The following DDX59 variants were observed in gnomAD, a reference collection of about 807,000 sequenced individuals.
DDX59 encodes DEAD-box helicase 59.
A neutral mutation model predicts 51.9 loss-of-function variants in DDX59; 30 were observed. The observed-to-expected ratio is 0.58, with a 90% CI of 0.43 to 0.78. The LOEUF is 0.78. Among genes scored for constraint, DDX59 ranks in the 30% least tolerant of loss-of-function variants. DDX59 has a pLI of 0.00. For synonymous variants in DDX59, 255 were observed against 253.3 expected (o/e 1.01, Z -0.06); for missense variants, 672 against 730.8 (o/e 0.92, Z 0.93).
rs143330875 is a variant in DDX59 at position 200,661,749 on chromosome 1, G to A, written c.972+2170C>T. On this transcript the variant is annotated intron_variant, in intron 3 of 7. Coordinates refer to ENST00000331314, the MANE Select transcript of DDX59 (RefSeq NM_001031725.6). ...TTATAAAAATGTGAATGGGGACTGA[G>A]GAGTAGATGATACCAATATTAATTC... Among the ~76,000 whole-genome samples, 1,070 of 152,346 alleles carry A rather than the reference G, an allele frequency of 7.0e-3. 7 individuals carry two copies. The highest frequency in any genetic ancestry group is 0.012 in the African/African-American group (501 of 41,582).
At chr1:200,667,159 C>T (rs918340257) in intron 1 of DDX59, among the ~76,000 whole-genome samples, 1 of 151,662 alleles carries the variant, frequency 6.6e-6, no homozygotes, top group African/African-American at 2.4e-5. Flanking sequence ...AATCCCAGCA[C>T]TTTGGGAGGC....
chr1:200,656,800 T>C (rs1005574440), intron 4 of DDX59, among the ~76,000 whole-genome samples: 1 of 152,186 alleles, frequency 6.6e-6, no homozygotes, highest in Non-Finnish European at 1.5e-5. Flanking sequence ...ACGCCTGTAA[T>C]CCCAACACTT....
downstream of DDX59, among the ~76,000 whole-genome samples, chr1:200,641,575 A>G (rs1313599430): frequency 2.6e-5 from 4 of 152,070 alleles, no homozygotes; most frequent in East Asian, 7.7e-4. Context: ...TCTACTAAAA[A>G]TACAAAAATT....
intron 1 of DDX59, among the ~76,000 whole-genome samples, chr1:200,667,957 G>T (rs1274307860): frequency 6.6e-6 from 1 of 152,132 alleles, no homozygotes; most frequent in Non-Finnish European, 1.5e-5. Flanking sequence ...GTGTGTGTGT[G>T]TATAAAACAC....
Position 200,644,157 on chromosome 1 carries a change from TAAA to T in DDX59, c.*94_*96del, listed in dbSNP as rs1321034787. The T allele has an allele frequency of 2.0e-6, 2 of 983,140 alleles. No homozygotes were observed. Among genetic ancestry groups the T allele is most frequent in the African/African-American group, 3.4e-5 (2 of 59,212 alleles). The allele number at this position is 983,140 out of a possible 1,614,324, so 60.9% of individuals were successfully genotyped here. A position where few individuals can be genotyped will look rare whatever the true frequency, so the allele number is the denominator to read the frequency against. On this transcript the variant is annotated 3_prime_UTR_variant, in exon 8 of 8. Transcript: ENST00000331314. ...AAATTTTATTAAATTAAAAATATCTTAAAATTTTTAAAATTCATGTACATTTCC... is the reference window on the plus strand; with the variant it reads ...AAATTTTATTAAATTAAAAATATCTTATTTTTAAAATTCATGTACATTTCC...
chr1:200,656,911 G>C (rs1042817991), intron 4 of DDX59, among the ~76,000 whole-genome samples: 11 of 151,934 alleles, frequency 7.2e-5, no homozygotes, highest in Non-Finnish European at 1.6e-4. Context: ...AAAACAAAGA[G>C]AGAAATGAGG....
rs375864131 is a variant in DDX59, at chr1:200,650,734, C to T, written c.1063-58G>A. 6.4e-6 allele frequency: 9 copies of T among 1,397,894 alleles called. No homozygotes were observed. In the South Asian group the frequency reaches 9.8e-5, roughly 15 times the overall value. 86.6% of individuals were successfully genotyped at this position (1,397,894 alleles called of 1,614,324 possible). A position where few individuals can be genotyped will look rare whatever the true frequency, so the allele number is the denominator to read the frequency against. On this transcript the variant is annotated intron_variant, in intron 4 of 7. Transcript: ENST00000331314. ...TTGACATTAAAACCCAGAACCACCC[C>T]CAAAAAAGACTGATATAATTAACAA...
At chr1:200,651,852 C>A (rs1358828919) in intron 4 of DDX59, among the ~76,000 whole-genome samples, 1 of 151,700 alleles carries the variant, frequency 6.6e-6, no homozygotes, top group Non-Finnish European at 1.5e-5. Context: ...ACTAAAAATA[C>A]AAAAAATTAG....
chr1:200,664,041 C>A lies in DDX59; in HGVS notation c.850G>T (p.Ala284Ser). ...TTAGCTTGTCTCTCTATCTGAATGG[C>A]TAACTCTCTGGTTGGTGTAAGAATG... is the stretch of plus-strand genomic sequence containing the variant. ...ALILTPTREL[A>S]IQIERQAKEL... is the part of the protein sequence containing the mutation. Residue 284 changes from alanine to serine, a missense_variant, in exon 3 of 8, where the codon GCC becomes TCC. Coordinates refer to ENST00000331314, the MANE Select transcript of DDX59 (RefSeq NM_001031725.6). 1 of 1,614,198 alleles carries A rather than the reference C, an allele frequency of 6.2e-7. No individual in the cohort carries two copies.
chr1:200,651,354 G>A (rs780868024), intron 4 of DDX59, among the ~76,000 whole-genome samples: 1 of 152,076 alleles, frequency 6.6e-6, no homozygotes, highest in Non-Finnish European at 1.5e-5. Context: ...GTAATAAGAG[G>A]GGAAGCCTTT....
chr1:200,651,905 G>A (rs976581786), intron 4 of DDX59, among the ~76,000 whole-genome samples: 3 of 151,430 alleles, frequency 2.0e-5, no homozygotes, highest in African/African-American at 7.3e-5. Context: ...CTACTCGGGA[G>A]GCTGAGGCAG....
At chr1:200,652,318 C>T (rs886666808) in intron 4 of DDX59, among the ~76,000 whole-genome samples, 7 of 152,002 alleles carry the variant, frequency 4.6e-5, no homozygotes, top group African/African-American at 1.7e-4. Flanking sequence ...GCACCCAGCT[C>T]AGCATTGTAT....
At chr1:200,662,992 A>C (rs1243840031) in intron 3 of DDX59, among the ~76,000 whole-genome samples, 3 of 152,244 alleles carry the variant, frequency 2.0e-5, no homozygotes, top group Non-Finnish European at 4.4e-5. Context: ...GTAATTTCTT[A>C]AAACAACATT....
chr1:200,644,568 T>A (rs1240687590), intron 7 of DDX59, 51 bp from the exon 8 acceptor site: 1 of 1,522,930 alleles, frequency 6.6e-7, no homozygotes, highest in South Asian at 1.3e-5. Context: ...AAAATCTTAG[T>A]GTCTTTTGAA....
intron 1 of DDX59, chr1:200,669,507 G>T (rs1318288577): frequency 1.3e-5 from 2 of 152,360 alleles, no homozygotes; most frequent in African/African-American, 4.8e-5. Context: ...CCGCACCCCC[G>T]TGCACTGGCG....
intron 4 of DDX59, 57 bp from the exon 5 acceptor site, chr1:200,650,733 C>G: frequency 2.1e-6 from 3 of 1,419,594 alleles, no homozygotes; most frequent in Non-Finnish European, 2.8e-6. Context: ...CAGAACCACC[C>G]CCAAAAAAGA....
rs140633047 is a variant in DDX59, at chr1:200,668,037, G to A, written c.-11-1286C>T. On this transcript the variant is annotated intron_variant, in intron 1 of 7. Transcript: ENST00000331314. ...GTTTGGGCTGGGCGCAGTGGCTCAC[G>A]CCTGTAATCCTAGCACTTTGGGAGG... Among the ~76,000 whole-genome samples the A allele has an allele frequency of 7.4e-3, 1,130 of 152,168 alleles. 19 individuals carry two copies. Among genetic ancestry groups the A allele is most frequent in the African/African-American group, 0.025 (1,050 of 41,526 alleles).
Position 200,666,091 on chromosome 1 carries a change from T to C in DDX59, c.650A>G (p.Asn217Ser), listed in dbSNP as rs1351277459. 1 of 1,614,182 alleles carries C rather than the reference T, an allele frequency of 6.2e-7. No homozygotes were observed. The highest frequency in any genetic ancestry group is 1.1e-5 in the South Asian group (1 of 91,082). ...HCSLPEVLNH[N>S]LKKSGYEVPT... ...CACCTCATAGCCTGATTTCTTCAAG[T>C]TGTGATTTAAGACCTCAGGGAGACT... is the stretch of plus-strand genomic sequence containing the variant. The change falls in exon 2 of 8, where the codon AAC (asparagine) becomes AGC (serine). Residue 217 changes from asparagine (N) to serine (S), a missense_variant. Transcript: ENST00000331314.
intron 4 of DDX59, among the ~76,000 whole-genome samples, chr1:200,657,057 C>T (rs1478377929): frequency 2.0e-5 from 3 of 152,014 alleles, no homozygotes; most frequent in Non-Finnish European, 4.4e-5. Flanking sequence ...TGAGACCAGC[C>T]TGGCCAACAT....
Sources: allele counts gnomAD v4.1 joint callset (sites outside exome capture counted in the v4.1 genomes callset), GRCh38; gene constraint gnomAD v4.1.1; transcripts MANE v1.5; gene names NCBI Gene and HGNC (gene_info 2026-07-23, HGNC 2026-07-21).